Variants in ITGA2 observed in about 807,000 individuals in gnomAD.
ITGA2 encodes the protein integrin subunit alpha 2.
Under a neutral mutation model 146.3 loss-of-function variants are expected in ITGA2, and 101 were observed. That is an observed-to-expected ratio of 0.69 (90% CI 0.59 to 0.81). The LOEUF is 0.81. Ranked by LOEUF, ITGA2 falls within the 40% of genes least tolerant of loss-of-function variation. The pLI is 0.00. For missense variants in ITGA2, 1,281 were observed against 1,402.7 expected (o/e 0.91, Z 1.39); for synonymous variants, 477 against 487.1 (o/e 0.98, Z 0.27).
At chr5:53,090,102 A>G (rs1433504441) in intron 29 of ITGA2, 40 bp downstream of exon 29, 2 of 1,201,364 alleles carry the variant, frequency 1.7e-6, no homozygotes, top group African/African-American at 3.0e-5. Context: ...GGGCTCCTGA[A>G]GGCCAGCCTT....
At chr5:53,022,926 A>C (rs1742760743) in intron 1 of ITGA2, among the ~76,000 whole-genome samples, 1 of 152,240 alleles carries the variant, frequency 6.6e-6, no homozygotes, top group Non-Finnish European at 1.5e-5. Flanking sequence ...AGGATGAAAC[A>C]GTATCCCCTT....
Position 53,060,928 on chromosome 5 carries a change from G to C in ITGA2, c.1340G>C (p.Gly447Ala). The C allele has an allele frequency of 6.2e-7, 1 of 1,612,396 alleles. No individual in the cohort carries two copies. The highest frequency in any genetic ancestry group is 8.5e-7 in the Non-Finnish European group (1 of 1,178,926). ...LGYSVAAIST[G>A]ESTHFVAGAP... ...TACTCTGTGGCTGCAATTTCTACTG[G>C]AGAAAGCACTCACTTTGTTGCTGGT... Residue 447 changes from glycine (G) to alanine (A), a missense_variant, in exon 12 of 30, where the codon GGA becomes GCA. By Grantham distance (60) the Gly-to-Ala change is moderately conservative. Coordinates refer to ENST00000296585, the MANE Select transcript of ITGA2 (RefSeq NM_002203.4).
At chr5:53,035,590 T>C (rs1743451630) in intron 2 of ITGA2, among the ~76,000 whole-genome samples, 1 of 152,190 alleles carries the variant, frequency 6.6e-6, no homozygotes, top group Non-Finnish European at 1.5e-5. Flanking sequence ...AAATTTATGA[T>C]AGCAGTATTT....
intron 2 of ITGA2, among the ~76,000 whole-genome samples, chr5:53,034,249 C>T (rs1743377566): frequency 6.6e-6 from 1 of 151,980 alleles, no homozygotes; most frequent in African/African-American, 2.4e-5. Context: ...ACTTATTATG[C>T]TATTGCTGTA....
intron 1 of ITGA2, 25 bp from the exon 2 acceptor site, chr5:53,026,723 T>C: frequency 6.3e-7 from 1 of 1,584,402 alleles, no homozygotes; most frequent in South Asian, 1.1e-5. Context: ...TGTAAATATG[T>C]GCTATTTCAT....
chr5:52,994,298 A>G (rs961037670), intron 1 of ITGA2, among the ~76,000 whole-genome samples: 16 of 152,334 alleles, frequency 1.1e-4, no homozygotes, highest in Admixed American at 6.5e-4. Context: ...CCTGAAGCAT[A>G]CTTAACCAAT....
chr5:53,090,659 G>T lies in ITGA2; in HGVS notation c.*60G>T, dbSNP rs886060663. 4.0e-5 allele frequency: 51 copies of T among 1,272,882 alleles called. No individual in the cohort carries two copies. The highest frequency in any genetic ancestry group is 5.6e-5 in the Non-Finnish European group (49 of 880,274). 78.8% of individuals were successfully genotyped at this position (1,272,882 alleles called of 1,614,324 possible). A position where few individuals can be genotyped will look rare whatever the true frequency, so the allele number is the denominator to read the frequency against. ...ATCCCAGCCAGGGTTTGCTGTTTGC[G>T]TGAATGGATTTCTTTTTAAATCCCA... On this transcript the variant is annotated 3_prime_UTR_variant, in exon 30 of 30. Coordinates refer to ENST00000296585, the MANE Select transcript of ITGA2 (RefSeq NM_002203.4).
intron 6 of ITGA2, 97 bp from the exon 7 acceptor site, chr5:53,051,314 C>T: frequency 7.9e-7 from 1 of 1,272,252 alleles, no homozygotes; most frequent in Non-Finnish European, 1.1e-6. Flanking sequence ...GCTACCGGCC[C>T]ATGTCTAAAT....
chr5:53,062,903 A>G lies in ITGA2; in HGVS notation c.1576A>G (p.Arg526Gly), dbSNP rs1354099878. 9.3e-6 allele frequency: 15 copies of G among 1,610,966 alleles called. No individual in the cohort carries two copies. Among genetic ancestry groups the G allele is most frequent in the African/African-American group, 1.3e-5 (1 of 74,690 alleles). Residue 526 changes from arginine (R) to glycine (G), a missense_variant, in exon 13 of 30, where the codon AGA becomes GGA. Around this residue, in one of 3 missense-constraint regions of ITGA2, gnomAD observed 795 missense variants for 841.7 expected, o/e 0.94. Transcript: ENST00000296585. ...GAGTGACCTAAAGAAAGAGGAAGGA[A>G]GAGTCTACCTGTTTACTATCAAAGA... ...YMSDLKKEEG[R>G]VYLFTIKEGI...
At chr5:52,989,839 C>CACACACACAG (rs1455637910) in intron 1 of ITGA2, among the ~76,000 whole-genome samples, 2 of 151,420 alleles carry the variant, frequency 1.3e-5, no homozygotes, top group Non-Finnish European at 2.9e-5. Flanking sequence ...CACACACAGA[C>CACACACACAG]AGACACGCAC....
At chr5:53,079,568 A>G (rs979903687) in intron 24 of ITGA2, among the ~76,000 whole-genome samples, 2 of 152,150 alleles carry the variant, frequency 1.3e-5, no homozygotes, top group African/African-American at 4.8e-5. Flanking sequence ...TTTATCCACT[A>G]TCCTAAGCCA....
At chr5:53,040,434 G>A (rs1249541444) in intron 2 of ITGA2, among the ~76,000 whole-genome samples, 1 of 152,132 alleles carries the variant, frequency 6.6e-6, no homozygotes, top group African/African-American at 2.4e-5. Flanking sequence ...TCATGAATTT[G>A]AAAGACATCA....
intron 16 of ITGA2, among the ~76,000 whole-genome samples, chr5:53,067,544 C>T (rs1579881749): frequency 6.6e-6 from 1 of 151,856 alleles, no homozygotes; most frequent in Non-Finnish European, 1.5e-5. Context: ...ACCTCCATTT[C>T]TCTTACTTAA....
At chr5:52,995,450 C>G (rs745877506) in intron 1 of ITGA2, among the ~76,000 whole-genome samples, 2 of 151,816 alleles carry the variant, frequency 1.3e-5, no homozygotes, top group Non-Finnish European at 2.9e-5. Context: ...ATTGGAAAGG[C>G]ATTAAAGAAG....
At chr5:53,003,695 G>T (rs1255219954) in intron 1 of ITGA2, among the ~76,000 whole-genome samples, 2 of 152,174 alleles carry the variant, frequency 1.3e-5, no homozygotes, top group East Asian at 3.9e-4. Context: ...AGATTCAGGG[G>T]GAGGAGACTT....
rs1218729216 is a variant in ITGA2 at position 53,094,174 on chromosome 5, T to G, written c.*3575T>G. The G allele has an allele frequency of 6.6e-6, 1 of 152,358 alleles. No individual in the cohort carries two copies. The highest frequency in any genetic ancestry group is 1.5e-5 in the Non-Finnish European group (1 of 68,036). The allele number at this position is 152,358 out of a possible 1,614,324, so 9.4% of individuals were successfully genotyped here. ...TGAGATCCCTGATCCATCTTTAATA[T>G]TTCAATTTGCACACATAAAACAATG... On this transcript the variant is annotated 3_prime_UTR_variant, in exon 30 of 30. Coordinates refer to ENST00000296585, the MANE Select transcript of ITGA2 (RefSeq NM_002203.4).
intron 26 of ITGA2, among the ~76,000 whole-genome samples, chr5:53,082,670 A>G (rs1022629476): frequency 8.5e-5 from 13 of 152,158 alleles, no homozygotes; most frequent in African/African-American, 3.1e-4. Context: ...CTACATTACT[A>G]TATCATTATC....
At chr5:53,082,589 C>G (rs899923560) in intron 26 of ITGA2, among the ~76,000 whole-genome samples, 1 of 152,008 alleles carries the variant, frequency 6.6e-6, no homozygotes, top group African/African-American at 2.4e-5. Flanking sequence ...CCATATACCC[C>G]CTGTCCCACA....
intron 2 of ITGA2, among the ~76,000 whole-genome samples, chr5:53,037,689 A>C (rs552185591): frequency 6.6e-6 from 1 of 152,244 alleles, no homozygotes; most frequent in East Asian, 1.9e-4. Context: ...GTTTCTAATA[A>C]AGAAGGTAAG....
Sources: allele counts gnomAD v4.1 joint callset (sites outside exome capture counted in the v4.1 genomes callset), GRCh38; gene constraint gnomAD v4.1.1; regional missense constraint gnomAD v4.1.1; transcripts MANE v1.5; gene names NCBI Gene and HGNC (gene_info 2026-07-23, HGNC 2026-07-21).